The following MDM2 variants were observed in gnomAD, a reference collection of about 807,000 sequenced individuals.
The protein encoded by MDM2 is E3 ubiquitin-protein ligase Mdm2.
MDM2 carries 11 observed loss-of-function variants against 64.3 expected under a neutral mutation model. The observed-to-expected ratio is 0.17, with a 90% CI of 0.11 to 0.28. The LOEUF is 0.28. Ranked by LOEUF, MDM2 falls within the 10% of genes least tolerant of loss-of-function variation. The pLI is 1.00. For missense variants in MDM2, 388 were observed against 577.1 expected, an observed-to-expected ratio of 0.67 and a Z score of 3.36; for synonymous variants, 194 against 192.9, an observed-to-expected ratio of 1.01 and a Z score of -0.05.
In MDM2 at chr12:68,833,452, T is replaced by G. The variant is rs554303364; in HGVS notation, c.685-2377T>G. Reference sequence around the variant, plus strand: ...ATTTTATATATTTTAAAAATATATATAGAGAGAGATAATTTAATAGTTTCT... The same window carrying G: ...ATTTTATATATTTTAAAAATATATAGAGAGAGAGATAATTTAATAGTTTCT... On this transcript the variant is annotated intron_variant, in intron 8 of 10. Transcript: ENST00000258149. Among the ~76,000 whole-genome samples, 347 of 143,376 alleles carry G rather than the reference T, an allele frequency of 2.4e-3. 3 individuals are homozygous for G. Among genetic ancestry groups the G allele is most frequent in the African/African-American group, 8.3e-3 (326 of 39,414 alleles). 94.1% of individuals were successfully genotyped at this position (143,376 alleles called of 152,430 possible).
intron 4 of MDM2, among the ~76,000 whole-genome samples, chr12:68,818,420 G>C (rs950117814): frequency 6.6e-6 from 1 of 151,268 alleles, no homozygotes; most frequent in African/African-American, 2.4e-5. Context: ...ACTGTAGTTT[G>C]TTAACAAAAG....
At chr12:68,816,120 A>G (rs1196909847) in intron 3 of MDM2, among the ~76,000 whole-genome samples, 1 of 152,048 alleles carries the variant, frequency 6.6e-6, no homozygotes, top group Non-Finnish European at 1.5e-5. Flanking sequence ...AGTATTTATG[A>G]CTATTTACTA....
At chr12:68,833,017 T>C (rs976860191) in intron 8 of MDM2, among the ~76,000 whole-genome samples, 3 of 144,568 alleles carry the variant, frequency 2.1e-5, no homozygotes, top group Admixed American at 7.3e-5. Flanking sequence ...TCCCAGCCAC[T>C]GGGGAGGCTG....
chr12:68,840,099 G>T lies in MDM2; in HGVS notation c.*250G>T. On this transcript the variant is annotated 3_prime_UTR_variant, in exon 11 of 11. Transcript: ENST00000258149. The stretch of plus-strand genomic sequence containing the variant: ...ATTTCTACTCTGTCTTAAATGAGAA[G>T]TACTTGGTTTTTTTTTTTCTTAAAT... 1 of 408,362 alleles carries T rather than the reference G, an allele frequency of 2.4e-6. No individual in the cohort carries two copies. Among genetic ancestry groups the T allele is most frequent in the Non-Finnish European group, 4.3e-6 (1 of 231,974 alleles). 25.3% of individuals were successfully genotyped at this position (408,362 alleles called of 1,614,324 possible). A position where few individuals can be genotyped will look rare whatever the true frequency, so the allele number is the denominator to read the frequency against.
intron 3 of MDM2, among the ~76,000 whole-genome samples, chr12:68,816,194 G>T (rs183489481): frequency 6.6e-6 from 1 of 152,066 alleles, no homozygotes; most frequent in African/African-American, 2.4e-5. Context: ...TTGGCTATCA[G>T]TTTTTTATTT....
In MDM2 at chr12:68,843,504, ACTT is replaced by A. The variant is rs150489933; in HGVS notation, c.*3659_*3661del. 15,190 of 226,362 alleles carry A rather than the reference ACTT, an allele frequency of 0.067. 2,279 individuals are homozygous for A. Among genetic ancestry groups the A allele is most frequent in the African/African-American group, 0.32 (14,146 of 44,836 alleles). The allele number at this position is 226,362 out of a possible 1,614,324, so 14.0% of individuals were successfully genotyped here. Reference sequence around the variant, plus strand: ...TAAGTATCTCTCAAACTGTGGATTAACTTCTTGATTTATATTTAAATATGAATC... The same window carrying A: ...TAAGTATCTCTCAAACTGTGGATTAACTTGATTTATATTTAAATATGAATC... On this transcript the variant is annotated 3_prime_UTR_variant, in exon 11 of 11. Transcript: ENST00000258149.
chr12:68,849,054 T>C (rs1884519926), downstream of MDM2: 1 of 150,904 alleles, frequency 6.6e-6, no homozygotes, highest in Non-Finnish European at 1.5e-5. Flanking sequence ...GGTGGAAGTA[T>C]CTCGTTGGAA....
intron 3 of MDM2, chr12:68,815,698 C>T (rs1167073090): frequency 2.5e-6 from 1 of 399,150 alleles, no homozygotes; most frequent in Non-Finnish European, 5.1e-6. Context: ...TTACCTCGGC[C>T]TCCTAAAGTG....
Position 68,843,955 on chromosome 12 carries a change from T to C in MDM2, c.*4106T>C, listed in dbSNP as rs7970778. The C allele has an allele frequency of 0.057, 11,860 of 209,850 alleles. 1,474 individuals are homozygous for C. Among genetic ancestry groups the C allele is most frequent in the African/African-American group, 0.25 (11,128 of 43,832 alleles). 13.0% of individuals were successfully genotyped at this position (209,850 alleles called of 1,614,324 possible). A position where few individuals can be genotyped will look rare whatever the true frequency, so the allele number is the denominator to read the frequency against. Reference sequence around the variant, plus strand: ...GGAGGTCCTCAAAGCATTATTGGAGTTCATAATACTGAAGCTAGAACCAAG... The same window carrying C: ...GGAGGTCCTCAAAGCATTATTGGAGCTCATAATACTGAAGCTAGAACCAAG... On this transcript the variant is annotated 3_prime_UTR_variant, in exon 11 of 11. Coordinates refer to ENST00000258149, the MANE Select transcript of MDM2 (RefSeq NM_002392.6).
chr12:68,823,281 A>G (rs1419247842), intron 5 of MDM2, among the ~76,000 whole-genome samples: 1 of 152,180 alleles, frequency 6.6e-6, no homozygotes, highest in African/African-American at 2.4e-5. Context: ...ATTTGATGAT[A>G]ATTGTCTGTA....
At chr12:68,837,535 A>AT (rs1183683536) in intron 10 of MDM2, among the ~76,000 whole-genome samples, 1 of 151,468 alleles carries the variant, frequency 6.6e-6, no homozygotes, top group Non-Finnish European at 1.5e-5. Context: ...TAATTTTTGT[A>AT]TTTTTTGTAG....
chr12:68,819,076 G>A (rs1881635182), intron 4 of MDM2, among the ~76,000 whole-genome samples: 1 of 152,018 alleles, frequency 6.6e-6, no homozygotes, highest in South Asian at 2.1e-4. Flanking sequence ...TGATTTCCTT[G>A]GACTTGAATT....
At chr12:68,808,674 C>A (rs1173361006) in intron 1 of MDM2, among the ~76,000 whole-genome samples, 183 bp downstream of exon 1, 2 of 150,148 alleles carry the variant, frequency 1.3e-5, no homozygotes, top group Non-Finnish European at 3.0e-5. Flanking sequence ...TGGGGCTAGG[C>A]AGTCGCCGCC....
intron 10 of MDM2, among the ~76,000 whole-genome samples, chr12:68,838,462 G>A (rs1309637292): frequency 6.6e-6 from 1 of 152,218 alleles, no homozygotes; most frequent in East Asian, 1.9e-4. Flanking sequence ...GGATATTACG[G>A]TTAGTGACCA....
intron 2 of MDM2, 129 bp from the exon 3 acceptor site, chr12:68,813,425 A>G: frequency 6.5e-6 from 4 of 616,112 alleles, no homozygotes; most frequent in South Asian, 2.1e-5. Context: ...TGATACTTGC[A>G]TAATGATTAG....
chr12:68,844,489 GA>G lies in MDM2; in HGVS notation c.*4641del, dbSNP rs1884092109. 4.4e-6 allele frequency: 1 copy of G among 228,598 alleles called. No individual in the cohort carries two copies. Among genetic ancestry groups the G allele is most frequent in the African/African-American group, 2.2e-5 (1 of 45,066 alleles). 14.2% of individuals were successfully genotyped at this position (228,598 alleles called of 1,614,324 possible). On this transcript the variant is annotated 3_prime_UTR_variant, in exon 11 of 11. Transcript: ENST00000258149. ...AAGTGATCGTGAATGGTCTATAAGG[GA>G]GGTAGCTGGGACAGGGAGGGGAGTT... is the stretch of plus-strand genomic sequence containing the variant.
At chr12:68,831,112 T>G (rs3730617) in intron 8 of MDM2, among the ~76,000 whole-genome samples, 11,246 of 152,210 alleles carry the variant, frequency 0.074, 508 homozygotes, top group African/African-American at 0.13. Flanking sequence ...CTGATATGGC[T>G]TTGAGGAGTA....
In MDM2 at chr12:68,839,316, C is replaced by T. The variant is rs78419579; in HGVS notation, c.961C>T (p.Leu321Phe). 614 of 1,613,872 alleles carry T rather than the reference C, an allele frequency of 3.8e-4. 1 individual carries two copies. The highest frequency in any genetic ancestry group is 5.0e-4 in the Non-Finnish European group (591 of 1,179,958). The change falls in exon 11 of 11, where the codon CTT becomes TTT. Residue 321 changes from leucine (L) to phenylalanine (F), a missense_variant. Coordinates refer to ENST00000258149, the MANE Select transcript of MDM2 (RefSeq NM_002392.6). ...CTSCNEMNPP[L>F]PSHCNRCWAL... is the part of the protein sequence containing the mutation. ...TTCATGCAATGAAATGAATCCCCCC[C>T]TTCCATCACATTGCAACAGATGTTG...
Position 68,844,790 on chromosome 12 carries a change from G to A in MDM2, c.*4941G>A, listed in dbSNP as rs148584832. 231 of 200,418 alleles carry A rather than the reference G, an allele frequency of 1.2e-3. No homozygotes were observed. The highest frequency in any genetic ancestry group is 5.0e-3 in the African/African-American group (219 of 43,492). The allele number at this position is 200,418 out of a possible 1,614,324, so 12.4% of individuals were successfully genotyped here. A position where few individuals can be genotyped will look rare whatever the true frequency, so the allele number is the denominator to read the frequency against. ...TTTATTTTTATTTATTTTTTGAGACGGAGTCTTGCTCTGTGGCTCAGGCTG... is the reference window on the plus strand; with the variant it reads ...TTTATTTTTATTTATTTTTTGAGACAGAGTCTTGCTCTGTGGCTCAGGCTG... On this transcript the variant is annotated 3_prime_UTR_variant, in exon 11 of 11. Transcript: ENST00000258149.
Sources: allele counts gnomAD v4.1 joint callset (sites outside exome capture counted in the v4.1 genomes callset), GRCh38; gene constraint gnomAD v4.1.1; transcripts MANE v1.5; gene names NCBI Gene and HGNC (gene_info 2026-07-23, HGNC 2026-07-21).